Variants in GLG1 observed in about 807,000 individuals in gnomAD.
GLG1 encodes the protein golgi glycoprotein 1, also known as Golgi apparatus protein 1.
In GLG1, 38 loss-of-function variants were observed where a neutral mutation model predicts 160.5. The observed-to-expected ratio is 0.24, with a 90% CI of 0.18 to 0.31. GLG1 has a LOEUF of 0.31. GLG1 is among the 10% of genes least tolerant of loss of function. GLG1 has a pLI of 1.00. For synonymous variants in GLG1, 644 were observed against 543.4 expected (o/e 1.19, Z -2.57); for missense variants, 1,373 against 1,505.2 (o/e 0.91, Z 1.45).
intron 7 of GLG1, among the ~76,000 whole-genome samples, 180 bp downstream of exon 7, chr16:74,492,777 C>A (rs1475677119): frequency 1.3e-5 from 2 of 151,426 alleles, no homozygotes; most frequent in Non-Finnish European, 2.9e-5. Context: ...CGAGATTGCG[C>A]CACTGCCCTC....
intron 2 of GLG1, among the ~76,000 whole-genome samples, chr16:74,522,640 T>C (rs895799026): frequency 1.3e-5 from 2 of 152,228 alleles, no homozygotes; most frequent in East Asian, 3.8e-4. Context: ...TCAATTTTTT[T>C]ACTTTTCCAT....
At chr16:74,462,700 T>C (rs1240181489) in intron 20 of GLG1, 70 bp from the exon 21 acceptor site, 1 of 1,399,800 alleles carries the variant, frequency 7.1e-7, no homozygotes, top group Non-Finnish European at 1.0e-6. Context: ...ATATCCACCT[T>C]CCTAAAGGGA....
chr16:74,458,463 G>T (rs1223410189), intron 23 of GLG1, among the ~76,000 whole-genome samples: 32 of 152,102 alleles, frequency 2.1e-4, no homozygotes, highest in Admixed American at 2.1e-3. Flanking sequence ...GCCGAGGTAG[G>T]AGTCTGAGAC....
At chr16:74,524,494 A>G (rs2017275422) in intron 2 of GLG1, among the ~76,000 whole-genome samples, 1 of 152,104 alleles carries the variant, frequency 6.6e-6, no homozygotes, top group Non-Finnish European at 1.5e-5. Context: ...TGATGATGTT[A>G]AAGAATTATG....
intron 4 of GLG1, among the ~76,000 whole-genome samples, chr16:74,502,720 TG>T (rs1158344930): frequency 3.7e-4 from 29 of 77,794 alleles, no homozygotes; most frequent in African/African-American, 5.3e-4. Context: ...ATTTTGTTTT[TG>T]GTTTTTTTTT....
intron 16 of GLG1, chr16:74,469,748 C>T (rs763442514): frequency 9.5e-6 from 5 of 524,818 alleles, no homozygotes; most frequent in Non-Finnish European, 1.7e-5. Context: ...GATGGCCTGA[C>T]CTGGAAAAAT....
chr16:74,516,819 A>T (rs1019725828), intron 2 of GLG1, among the ~76,000 whole-genome samples: 10 of 152,064 alleles, frequency 6.6e-5, no homozygotes, highest in Non-Finnish European at 1.0e-4. Flanking sequence ...AGCAAGACTA[A>T]TAAAGAAGAG....
chr16:74,470,417 C>T (rs1044570358), intron 15 of GLG1, among the ~76,000 whole-genome samples: 1 of 149,042 alleles, frequency 6.7e-6, no homozygotes, highest in African/African-American at 2.5e-5. Flanking sequence ...ATCCATCCAT[C>T]CTAAATAAAA....
At chr16:74,545,500 G>A (rs1477420) in intron 1 of GLG1, among the ~76,000 whole-genome samples, 1 of 152,212 alleles carries the variant, frequency 6.6e-6, no homozygotes, top group African/African-American at 2.4e-5. Context: ...CCAAGTTTTC[G>A]AAGCCCAGAA....
At chr16:74,479,447 A>AGG (rs56771058) in intron 11 of GLG1, among the ~76,000 whole-genome samples, 2 of 137,338 alleles carry the variant, frequency 1.5e-5, no homozygotes, top group Non-Finnish European at 3.2e-5. Flanking sequence ...ATATGGAGAG[A>AGG]AAAAAAAAAA....
At chr16:74,456,847 G>A (rs1213737039) in intron 24 of GLG1, 92 bp from the exon 25 acceptor site, 1 of 794,530 alleles carries the variant, frequency 1.3e-6, no homozygotes, top group African/African-American at 1.7e-5. Context: ...ACAACCACCA[G>A]AGAATTCAGA....
At chr16:74,471,602 T>A (rs2015211089) in intron 14 of GLG1, among the ~76,000 whole-genome samples, 3 of 152,174 alleles carry the variant, frequency 2.0e-5, no homozygotes. Context: ...CTGGGTATGT[T>A]TCACTCCCAC....
At chr16:74,549,931 T>C (rs899132726) in intron 1 of GLG1, among the ~76,000 whole-genome samples, 7 of 150,822 alleles carry the variant, frequency 4.6e-5, no homozygotes, top group South Asian at 2.1e-4. Flanking sequence ...CTGGGCAACA[T>C]AGCAAAACCC....
intron 2 of GLG1, among the ~76,000 whole-genome samples, chr16:74,517,164 A>G (rs1040736402): frequency 2.6e-5 from 4 of 152,206 alleles, no homozygotes; most frequent in Non-Finnish European, 5.9e-5. Flanking sequence ...AACTATTCCA[A>G]TCAATAGAAA....
intron 4 of GLG1, among the ~76,000 whole-genome samples, chr16:74,498,781 C>T (rs574923437): frequency 4.1e-4 from 55 of 134,646 alleles, no homozygotes; most frequent in African/African-American, 1.4e-3. Context: ...GAGAGAATTG[C>T]TTGAATCTGG....
At chr16:74,544,700 C>A (rs1434506791) in intron 1 of GLG1, among the ~76,000 whole-genome samples, 6 of 152,148 alleles carry the variant, frequency 3.9e-5, no homozygotes, top group African/African-American at 9.7e-5. Context: ...CAGGGTTTGG[C>A]CATTTGGGCC....
rs181519616 is a variant in GLG1, at chr16:74,525,971, C to A, written c.471+6150G>T. On this transcript the variant is annotated intron_variant, in intron 2 of 25. Transcript: ENST00000422840. ...AGGAGATGGATACCAGCCTGGGCCA[C>A]AGAGCAAGACCCCCATCTCTACAAA... 2.6e-4 allele frequency among the ~76,000 whole-genome samples: 40 copies of A among 152,166 alleles called. 3 individuals carry two copies. The East Asian group carries it at 7.5e-3, about 29-fold the overall frequency.
intron 1 of GLG1, among the ~76,000 whole-genome samples, chr16:74,589,029 G>C (rs1279208471): frequency 6.6e-6 from 1 of 151,594 alleles, no homozygotes; most frequent in Non-Finnish European, 1.5e-5. Flanking sequence ...ATAACTTCAA[G>C]TCAGGAGTTC....
intron 1 of GLG1, among the ~76,000 whole-genome samples, chr16:74,600,745 A>AAAAAAAAAAC (rs1567551046): frequency 6.9e-6 from 1 of 145,312 alleles, no homozygotes; most frequent in African/African-American, 2.5e-5. Flanking sequence ...AAAAAAAAAA[A>AAAAAAAAAAC]AAAAAAAAAC....
Sources: allele counts gnomAD v4.1 joint callset (sites outside exome capture counted in the v4.1 genomes callset), GRCh38; gene constraint gnomAD v4.1.1; transcripts MANE v1.5; gene names NCBI Gene and HGNC (gene_info 2026-07-23, HGNC 2026-07-21).